C14orf39: variants seen among roughly 807,000 people sequenced by gnomAD.
C14orf39 encodes the protein chromosome 14 open reading frame 39.
A neutral mutation model predicts 85.6 loss-of-function variants in C14orf39; 66 were observed. That is an observed-to-expected ratio of 0.77 (90% CI 0.63 to 0.95). The LOEUF is 0.95. Among genes scored for constraint, C14orf39 ranks in the 40% least tolerant of loss-of-function variants. C14orf39 has a pLI of 0.00. For synonymous variants in C14orf39, 242 were observed against 214.0 expected (o/e 1.13, Z -1.14); for missense variants, 735 against 663.9 (o/e 1.11, Z -1.18).
At chr14:60,474,528 G>A (rs1408495250) in intron 5 of C14orf39, among the ~76,000 whole-genome samples, 1 of 149,172 alleles carries the variant, frequency 6.7e-6, no homozygotes, top group East Asian at 2.0e-4. Context: ...TATTATATTG[G>A]CTGTGGGTTT....
intron 9 of C14orf39, 59 bp downstream of exon 9, chr14:60,468,386 A>T (rs1891897983): frequency 1.7e-5 from 19 of 1,107,988 alleles, no homozygotes; most frequent in Non-Finnish European, 2.4e-5. Flanking sequence ...ATATAGAATC[A>T]AACTTTTAGA....
chr14:60,445,392 G>A (rs1210601767), intron 16 of C14orf39, among the ~76,000 whole-genome samples: 2 of 151,540 alleles, frequency 1.3e-5, no homozygotes, highest in Non-Finnish European at 3.0e-5. Flanking sequence ...AAACTGAAAG[G>A]AAAAAAACCA....
At chr14:60,468,250 AAAT>A (rs1161736324) in intron 9 of C14orf39, among the ~76,000 whole-genome samples, 192 bp downstream of exon 9, 1 of 149,530 alleles carries the variant, frequency 6.7e-6, no homozygotes, top group African/African-American at 2.4e-5. Context: ...CAGCCTTACT[AAAT>A]AACAAGCAGA....
chr14:60,441,076 C>T (rs1890488297), intron 17 of C14orf39, among the ~76,000 whole-genome samples: 1 of 151,982 alleles, frequency 6.6e-6, no homozygotes, highest in Non-Finnish European at 1.5e-5. Flanking sequence ...AGATTCGGGC[C>T]CACCTGGAAA....
intron 2 of C14orf39, among the ~76,000 whole-genome samples, chr14:60,493,409 T>C (rs1404135159): frequency 6.6e-6 from 1 of 152,204 alleles, no homozygotes; most frequent in African/African-American, 2.4e-5. Context: ...AAGTATACAG[T>C]ACCCTTTCCC....
chr14:60,485,580 T>A (rs1956553), intron 1 of C14orf39, among the ~76,000 whole-genome samples: 125,158 of 152,150 alleles, frequency 0.82, 53,091 homozygotes, highest in Non-Finnish European at 0.92. Context: ...AATAAAAAAA[T>A]TGGAGGTTTT....
chr14:60,504,918 A>G (rs942649270), intron 1 of C14orf39, among the ~76,000 whole-genome samples: 1 of 152,230 alleles, frequency 6.6e-6, no homozygotes, highest in East Asian at 1.9e-4. Flanking sequence ...CTAATTAATC[A>G]TCACTGTGAA....
At chr14:60,490,568 G>A (rs1168345729), upstream of C14orf39, among the ~76,000 whole-genome samples, 1 of 152,052 alleles carries the variant, frequency 6.6e-6, no homozygotes, top group African/African-American at 2.4e-5. Flanking sequence ...AGGCTGTGGC[G>A]AGCTATGATC....
intron 2 of C14orf39, chr14:60,493,708 C>T (rs1893026368): frequency 1.3e-5 from 2 of 151,852 alleles, no homozygotes; most frequent in Non-Finnish European, 1.5e-5. Flanking sequence ...AGGTTTCAGA[C>T]ACAACTGTAA....
At chr14:60,479,756 C>T (rs1165156334) in intron 4 of C14orf39, among the ~76,000 whole-genome samples, 1 of 152,042 alleles carries the variant, frequency 6.6e-6, no homozygotes, top group East Asian at 1.9e-4. Flanking sequence ...TTTTTAAAAA[C>T]CTTCCTTTAC....
exon 2 of C14orf39, chr14:60,499,384 T>C (rs1893109297): frequency 6.6e-6 from 1 of 152,172 alleles, no homozygotes; most frequent in Non-Finnish European, 1.5e-5. Flanking sequence ...TCCAGAATAA[T>C]TTCTATGTAT....
intron 2 of C14orf39, among the ~76,000 whole-genome samples, chr14:60,492,248 A>G (rs1893000704): frequency 6.6e-6 from 1 of 152,222 alleles, no homozygotes; most frequent in African/African-American, 2.4e-5. Context: ...TCTCCACCCT[A>G]AAGTTATGGC....
chr14:60,451,887 AAGAT>A (rs1435557653), intron 16 of C14orf39, among the ~76,000 whole-genome samples: 1 of 152,026 alleles, frequency 6.6e-6, no homozygotes, highest in African/African-American at 2.4e-5. Flanking sequence ...AATGGGTTAA[AAGAT>A]AGAATCTCAG....
intron 5 of C14orf39, among the ~76,000 whole-genome samples, chr14:60,476,034 CGG>C (rs1177944113): frequency 6.6e-6 from 1 of 152,084 alleles, no homozygotes; most frequent in Admixed American, 6.6e-5. Context: ...TGCTAGTCAG[CGG>C]GTCTGAATCT....
At chr14:60,497,272 T>C (rs1239840468) in intron 2 of C14orf39, among the ~76,000 whole-genome samples, 5 of 152,210 alleles carry the variant, frequency 3.3e-5, no homozygotes, top group Non-Finnish European at 7.3e-5. Context: ...ACTCTCATAG[T>C]TCATGCACTT....
Position 60,455,134 on chromosome 14 carries a change from C to A in C14orf39, c.1370G>T (p.Arg457Ile). 6.4e-7 allele frequency: 1 copy of A among 1,555,842 alleles called. No individual in the cohort carries two copies. Reference protein sequence around the residue: ...KTPPFEINRNRNAVPEVQTEK... With the variant: ...KTPPFEINRNINAVPEVQTEK... ...TGTTTGAACTTCAGGTACTGCATTTCTATTTCTGTTACTGAGAAATAAGAA... is the reference window on the plus strand; with the variant it reads ...TGTTTGAACTTCAGGTACTGCATTTATATTTCTGTTACTGAGAAATAAGAA... The change falls in exon 16 of 18, where the codon AGA becomes ATA. Residue 457 changes from arginine (R) to isoleucine (I), a missense_variant. By Grantham distance (97) the Arg-to-Ile change is moderately conservative. Transcript: ENST00000321731.
intron 1 of C14orf39, among the ~76,000 whole-genome samples, chr14:60,501,700 A>G (rs1031782043): frequency 6.6e-6 from 1 of 152,206 alleles, no homozygotes; most frequent in Admixed American, 6.5e-5. Flanking sequence ...AATTTATTGC[A>G]ACAACAGTGG....
chr14:60,443,282 G>A (rs1044326404), intron 16 of C14orf39, among the ~76,000 whole-genome samples: 23 of 152,304 alleles, frequency 1.5e-4, no homozygotes, highest in African/African-American at 4.3e-4. Flanking sequence ...GGGAAGCTGT[G>A]ACAGACTGTA....
intron 14 of C14orf39, 109 bp from the exon 15 acceptor site, chr14:60,457,204 T>C: frequency 1.8e-6 from 1 of 551,824 alleles, no homozygotes; most frequent in South Asian, 5.3e-5. Flanking sequence ...ATGTTAACAT[T>C]GCACAGACAA....
Sources: allele counts gnomAD v4.1 joint callset (sites outside exome capture counted in the v4.1 genomes callset), GRCh38; gene constraint gnomAD v4.1.1; transcripts MANE v1.5; gene names NCBI Gene and HGNC (gene_info 2026-07-23, HGNC 2026-07-21).